The following SEMA5A variants were observed in gnomAD, a reference collection of about 807,000 sequenced individuals.
SEMA5A encodes the protein semaphorin-5A.
Under a neutral mutation model 135.5 loss-of-function variants are expected in SEMA5A, and 55 were observed. The observed-to-expected ratio is 0.41, with a 90% CI of 0.33 to 0.51. The LOEUF (loss-of-function observed/expected upper bound fraction) is 0.51, where lower values mean the gene tolerates loss of function less well. Ranked by LOEUF, SEMA5A falls within the 20% of genes least tolerant of loss-of-function variation. SEMA5A has a pLI of 0.37. For missense variants in SEMA5A, 1,290 were observed against 1,419.9 expected, an observed-to-expected ratio of 0.91 and a Z score of 1.47; for synonymous variants, 580 against 546.5, an observed-to-expected ratio of 1.06 and a Z score of -0.85.
intron 6 of SEMA5A, among the ~76,000 whole-genome samples, chr5:9,229,663 G>GT (rs1288279248): frequency 6.6e-6 from 1 of 150,588 alleles, no homozygotes; most frequent in Non-Finnish European, 1.5e-5. Context: ...GGTTTTGTTT[G>GT]TTTTTTGATG....
intron 14 of SEMA5A, among the ~76,000 whole-genome samples, chr5:9,121,606 A>G (rs896512521): frequency 2.0e-4 from 30 of 152,234 alleles, no homozygotes; most frequent in African/African-American, 5.3e-4. Flanking sequence ...TGTAAGTTTT[A>G]CCCAGGCATC....
intron 1 of SEMA5A, among the ~76,000 whole-genome samples, chr5:9,495,295 C>A (rs1365188814): frequency 6.6e-6 from 1 of 152,080 alleles, no homozygotes; most frequent in Non-Finnish European, 1.5e-5. Context: ...TGAATAACAA[C>A]GTCACACAAG....
intron 5 of SEMA5A, among the ~76,000 whole-genome samples, chr5:9,313,641 A>G (rs1160310989): frequency 6.6e-6 from 1 of 152,198 alleles, no homozygotes; most frequent in Non-Finnish European, 1.5e-5. Flanking sequence ...TTTCAACATG[A>G]AACAATAAGT....
intron 1 of SEMA5A, among the ~76,000 whole-genome samples, chr5:9,455,426 T>G (rs186675638): frequency 0.02 from 2,970 of 152,000 alleles, 44 homozygotes; most frequent in South Asian, 0.064. Flanking sequence ...CAGCTAATTT[T>G]TTTGTATTTT....
At chr5:9,062,764 A>T in intron 18 of SEMA5A, 123 bp downstream of exon 18, 3 of 991,190 alleles carry the variant, frequency 3.0e-6, no homozygotes. Flanking sequence ...CATAGCCAAG[A>T]CATTTATTAA....
intron 12 of SEMA5A, among the ~76,000 whole-genome samples, chr5:9,147,760 G>A (rs1742421945): frequency 6.9e-6 from 1 of 145,598 alleles, no homozygotes; most frequent in Non-Finnish European, 1.5e-5. Flanking sequence ...AAGGCCCAAA[G>A]GCTTTCAATC....
At chr5:9,491,645 T>C (rs1735013341) in intron 1 of SEMA5A, among the ~76,000 whole-genome samples, 1 of 152,160 alleles carries the variant, frequency 6.6e-6, no homozygotes, top group Non-Finnish European at 1.5e-5. Flanking sequence ...GTGTTGTCTT[T>C]CATCAGATCA....
chr5:9,258,533 T>C (rs1362252059), intron 5 of SEMA5A, among the ~76,000 whole-genome samples: 9 of 152,158 alleles, frequency 5.9e-5, no homozygotes, highest in Non-Finnish European at 1.3e-4. Context: ...ATGGAAGAAG[T>C]CTTGCCCTAA....
chr5:9,533,700 C>T (rs984495351), intron 1 of SEMA5A, among the ~76,000 whole-genome samples: 2 of 152,202 alleles, frequency 1.3e-5, no homozygotes. Context: ...TTACAAGTTT[C>T]CTATGTGCCT....
rs555576928 is a variant in SEMA5A at position 9,237,690 on chromosome 5, C to T, written c.333+138G>A. 9 of 607,994 alleles carry T rather than the reference C, an allele frequency of 1.5e-5. 1 individual carries two copies. The highest frequency in any genetic ancestry group is 9.1e-5 in the South Asian group (3 of 32,806). 37.7% of individuals were successfully genotyped at this position (607,994 alleles called of 1,614,324 possible). Reference sequence around the variant, plus strand: ...TAGTATTAAAAACTTGAGAATATACCGTATACATATTTTGAATCTTGCTTT... The same window carrying T: ...TAGTATTAAAAACTTGAGAATATACTGTATACATATTTTGAATCTTGCTTT... On this transcript the variant is annotated intron_variant, in intron 6 of 22. Transcript: ENST00000382496.
chr5:9,384,399 C>G (rs893666153), intron 2 of SEMA5A, among the ~76,000 whole-genome samples: 2 of 152,038 alleles, frequency 1.3e-5, no homozygotes, highest in Admixed American at 6.6e-5. Flanking sequence ...CTGGGCTATT[C>G]TATGAAATTA....
chr5:9,268,886 C>G (rs1188118309), intron 5 of SEMA5A, among the ~76,000 whole-genome samples: 1 of 151,996 alleles, frequency 6.6e-6, no homozygotes, highest in Non-Finnish European at 1.5e-5. Flanking sequence ...TTTAAACATA[C>G]TAATTTATTT....
At chr5:9,251,355 C>T (rs188493836) in intron 5 of SEMA5A, among the ~76,000 whole-genome samples, 36 of 152,250 alleles carry the variant, frequency 2.4e-4, no homozygotes, top group Admixed American at 9.8e-4. Flanking sequence ...CTATTAAATG[C>T]TGATATTAAT....
In SEMA5A at chr5:9,119,071, G is replaced by A. The variant is rs766094386; in HGVS notation, c.1852C>T (p.Arg618Trp). 1 of 1,613,594 alleles carries A rather than the reference G, an allele frequency of 6.2e-7. No individual in the cohort carries two copies. The highest frequency in any genetic ancestry group is 8.5e-7 in the Non-Finnish European group (1 of 1,179,886). Residue 618 changes from arginine to tryptophan, a missense_variant, in exon 15 of 23, where the codon CGG becomes TGG. This residue lies in a region of SEMA5A where 1,029 missense variants were observed against 1,086.6 expected (regional missense o/e 0.95). Transcript: ENST00000382496. ...STTCGIGFQV[R>W]QRSCSNPTPR... ...GTGGGGTTGCTGCAGGAGCGCTGCCGCACCTGGAAGCCGATCCCACAGGTA... is the reference window on the plus strand; with the variant it reads ...GTGGGGTTGCTGCAGGAGCGCTGCCACACCTGGAAGCCGATCCCACAGGTA...
chr5:9,536,969 C>T (rs1737803919), intron 1 of SEMA5A, among the ~76,000 whole-genome samples: 1 of 152,094 alleles, frequency 6.6e-6, no homozygotes, highest in Non-Finnish European at 1.5e-5. Context: ...GAGGCCCTTC[C>T]CTAGCTTCTA....
At position 9,063,026 on chromosome 5, in the gene SEMA5A, C is replaced by T; in HGVS notation, c.2379G>A (p.Trp793Ter). ...VNGAWSAWTS[W>*]SQCSRDCSRG... The stretch of plus-strand genomic sequence containing the variant: ...TGCTGCAGTCACGGCTGCACTGTGA[C>T]CACGACGTCCAGGCTGACCAAGCCC... Residue 793 changes from tryptophan (W) to a stop codon, truncating the protein, a stop_gained, in exon 18 of 23, where the codon TGG becomes TGA. Transcript: ENST00000382496. LOFTEE classifies it high-confidence loss of function. 6.2e-7 allele frequency: 1 copy of T among 1,614,230 alleles called. No individual in the cohort carries two copies. Among genetic ancestry groups the T allele is most frequent in the Non-Finnish European group, 8.5e-7 (1 of 1,180,038 alleles).
chr5:9,514,684 C>G (rs147247939), intron 1 of SEMA5A, among the ~76,000 whole-genome samples: 200 of 152,320 alleles, frequency 1.3e-3, no homozygotes, highest in African/African-American at 4.7e-3. Flanking sequence ...TGTACATGTT[C>G]AGTACAGATA....
intron 1 of SEMA5A, among the ~76,000 whole-genome samples, chr5:9,441,608 A>G (rs268532): frequency 0.53 from 80,294 of 151,964 alleles, 22,604 homozygotes; most frequent in African/African-American, 0.74. Flanking sequence ...GCAATGCCAT[A>G]AGAATCACAG....
intron 20 of SEMA5A, among the ~76,000 whole-genome samples, chr5:9,050,992 T>TA (rs958697630): frequency 6.6e-6 from 1 of 152,242 alleles, no homozygotes; most frequent in Non-Finnish European, 1.5e-5. Flanking sequence ...CCACATCTCA[T>TA]ACATGTTTTA....
Sources: allele counts gnomAD v4.1 joint callset (sites outside exome capture counted in the v4.1 genomes callset), GRCh38; gene constraint gnomAD v4.1.1; regional missense constraint gnomAD v4.1.1; transcripts MANE v1.5; gene names NCBI Gene and HGNC (gene_info 2026-07-23, HGNC 2026-07-21).